Variants in LMO7 observed in about 807,000 individuals in gnomAD.
LMO7 encodes LIM domain 7.
In LMO7, 120 loss-of-function variants were observed where a neutral mutation model predicts 206.5. The ratio of observed to expected loss-of-function variants is 0.58; its 90% CI spans 0.50 to 0.68. The LOEUF (loss-of-function observed/expected upper bound fraction) is 0.68. Among genes scored for constraint, LMO7 ranks in the 30% least tolerant of loss-of-function variants. The pLI, the probability that LMO7 is intolerant of heterozygous loss-of-function variation, is 0.00. For missense variants in LMO7, 1,959 were observed against 1,957.9 expected, an observed-to-expected ratio of 1.00 and a Z score of -0.01; for synonymous variants, 706 against 681.5, an observed-to-expected ratio of 1.04 and a Z score of -0.56.
chr13:75,697,463 A>G (rs1171967483), intron 1 of LMO7, among the ~76,000 whole-genome samples: 1 of 152,188 alleles, frequency 6.6e-6, no homozygotes, highest in Non-Finnish European at 1.5e-5. Flanking sequence ...TAAAACCATC[A>G]GATCTCATGA....
intron 12 of LMO7, among the ~76,000 whole-genome samples, chr13:75,818,754 G>A (rs534141793): frequency 1.2e-4 from 19 of 152,114 alleles, no homozygotes; most frequent in Non-Finnish European, 2.5e-4. Flanking sequence ...CTTCCCTTCC[G>A]GAGGTGGAAC....
intron 2 of LMO7, among the ~76,000 whole-genome samples, chr13:75,624,499 T>C (rs1459735907): frequency 1.3e-5 from 2 of 152,200 alleles, no homozygotes; most frequent in African/African-American, 4.8e-5. Flanking sequence ...ATGGAACTTA[T>C]TAGAACTTCA....
chr13:75,801,736 A>G (rs1017918554), intron 7 of LMO7, among the ~76,000 whole-genome samples: 3 of 152,238 alleles, frequency 2.0e-5, no homozygotes, highest in Non-Finnish European at 4.4e-5. Flanking sequence ...GAAAACATTG[A>G]GTTCTGGCTG....
At chr13:75,766,870 G>C (rs1164345531) in intron 4 of LMO7, among the ~76,000 whole-genome samples, 1 of 152,004 alleles carries the variant, frequency 6.6e-6, no homozygotes, top group Non-Finnish European at 1.5e-5. Context: ...AGACTTCCTG[G>C]ATATCTTAAA....
chr13:75,832,492 A>G (rs146366055), intron 15 of LMO7, among the ~76,000 whole-genome samples: 34 of 152,286 alleles, frequency 2.2e-4, no homozygotes, highest in African/African-American at 6.5e-4. Flanking sequence ...CTTTAACGCT[A>G]AATCTTCATG....
chr13:75,760,302 G>A, intron 3 of LMO7: 1 of 948,106 alleles, frequency 1.1e-6, no homozygotes, highest in Non-Finnish European at 1.3e-6. Context: ...TGAGGCAGGT[G>A]CAGGGAGTGA....
chr13:75,686,905 T>C (rs2041055912), intron 1 of LMO7, among the ~76,000 whole-genome samples: 1 of 152,094 alleles, frequency 6.6e-6, no homozygotes. Flanking sequence ...CGTCCTCACA[T>C]AGCAGAAAAG....
chr13:75,798,306 G>A (rs977639101), intron 6 of LMO7, among the ~76,000 whole-genome samples: 2 of 152,202 alleles, frequency 1.3e-5, no homozygotes, highest in African/African-American at 4.8e-5. Flanking sequence ...GGAGGCAGAG[G>A]TTGTGGTGAG....
chr13:75,681,606 C>T (rs144515830), intron 1 of LMO7, among the ~76,000 whole-genome samples: 3 of 151,178 alleles, frequency 2.0e-5, no homozygotes, highest in South Asian at 2.1e-4. Context: ...CTCACTCTGT[C>T]GTCTTCCCTC....
intron 2 of LMO7, among the ~76,000 whole-genome samples, chr13:75,718,462 G>C (rs747403124): frequency 3.3e-4 from 50 of 152,150 alleles, no homozygotes; most frequent in Non-Finnish European, 8.8e-5. Flanking sequence ...TTTGCTTTCT[G>C]TTGTTTTTGT....
rs1228313635 is a variant in LMO7 at position 75,781,304 on chromosome 13, A to C, written c.318-14097A>C. Reference sequence around the variant, plus strand: ...CCCCCCACCCCACAACAGTCCCCAGAGTGTGATGTTCCCCTTCCTGTGTCC... The same window carrying C: ...CCCCCCACCCCACAACAGTCCCCAGCGTGTGATGTTCCCCTTCCTGTGTCC... On this transcript the variant is annotated intron_variant, in intron 4 of 30. Transcript: ENST00000377534. 2.3e-3 allele frequency among the ~76,000 whole-genome samples: 201 copies of C among 89,170 alleles called. 3 individuals are homozygous for C. The East Asian group carries it at 0.058, about 26-fold the overall frequency. 58.5% of individuals were successfully genotyped at this position (89,170 alleles called of 152,430 possible).
intron 14 of LMO7, 92 bp downstream of exon 14, chr13:75,821,701 T>A: frequency 2.6e-6 from 2 of 779,980 alleles, no homozygotes; most frequent in Non-Finnish European, 4.2e-6. Flanking sequence ...ACTTGATGTG[T>A]AAACTGTACA....
At chr13:75,775,137 A>C (rs2050208565) in intron 4 of LMO7, among the ~76,000 whole-genome samples, 1 of 152,150 alleles carries the variant, frequency 6.6e-6, no homozygotes, top group Admixed American at 6.5e-5. Context: ...TATCATTAAG[A>C]GTTTTGATAA....
chr13:75,794,191 T>C (rs942735073), intron 4 of LMO7, among the ~76,000 whole-genome samples: 1 of 152,200 alleles, frequency 6.6e-6, no homozygotes, highest in African/African-American at 2.4e-5. Flanking sequence ...AATTATTAGG[T>C]CATAGAATAT....
chr13:75,763,891 G>C (rs2048513668), intron 4 of LMO7, among the ~76,000 whole-genome samples: 1 of 151,162 alleles, frequency 6.6e-6, no homozygotes, highest in East Asian at 1.9e-4. Context: ...CAATAATCCA[G>C]GACTCCAACT....
intron 4 of LMO7, chr13:75,789,076 G>A (rs2052874289): frequency 6.6e-6 from 1 of 152,252 alleles, no homozygotes; most frequent in Non-Finnish European, 1.5e-5. Context: ...TGGAAGCTGG[G>A]TGTGGGGGCA....
intron 12 of LMO7, among the ~76,000 whole-genome samples, chr13:75,817,696 G>A (rs1255180933): frequency 6.6e-6 from 1 of 152,096 alleles, no homozygotes; most frequent in Admixed American, 6.5e-5. Flanking sequence ...AGATGAAAAG[G>A]GTTAGTAATT....
At chr13:75,776,536 A>AT (rs1000219009) in intron 4 of LMO7, among the ~76,000 whole-genome samples, 8 of 152,016 alleles carry the variant, frequency 5.3e-5, no homozygotes, top group African/African-American at 1.9e-4. Context: ...TAACATACCC[A>AT]TTTTTTGCTA....
intron 11 of LMO7, chr13:75,816,905 TTTTG>T (rs1423372956): frequency 6.8e-5 from 19 of 277,836 alleles, no homozygotes; most frequent in Non-Finnish European, 1.1e-4. Flanking sequence ...TTTTTTGTTT[TTTTG>T]TTTGTTTGTT....
Sources: gnomAD v4.1 joint callset for allele counts (sites outside exome capture counted in the v4.1 genomes callset) on GRCh38, gnomAD v4.1.1 for gene constraint, MANE v1.5 for transcripts, NCBI Gene and HGNC (gene_info 2026-07-23, HGNC 2026-07-21) for gene names.